TRIM37: variants seen among roughly 807,000 people sequenced by gnomAD.
TRIM37 encodes E3 ubiquitin-protein ligase TRIM37.
A neutral mutation model predicts 129.8 loss-of-function variants in TRIM37; 80 were observed. The ratio of observed to expected loss-of-function variants is 0.62; its 90% CI spans 0.51 to 0.74. The LOEUF is 0.74. Among genes scored for constraint, TRIM37 ranks in the 30% least tolerant of loss-of-function variants. TRIM37 has a pLI of 0.00. For synonymous variants in TRIM37, 389 were observed against 387.1 expected (o/e 1.00, Z -0.06); for missense variants, 1,054 against 1,176.5 (o/e 0.90, Z 1.52).
chr17:59,047,379 T>C (rs1179237186), intron 16 of TRIM37, among the ~76,000 whole-genome samples: 5 of 152,188 alleles, frequency 3.3e-5, no homozygotes, highest in Non-Finnish European at 7.3e-5. Flanking sequence ...ATCTCAAGTG[T>C]TTCAGAAAAA....
chr17:59,018,318 T>G (rs2036191996), intron 19 of TRIM37, among the ~76,000 whole-genome samples: 1 of 152,094 alleles, frequency 6.6e-6, no homozygotes, highest in Admixed American at 6.5e-5. Flanking sequence ...ATAAATCTCT[T>G]TTAAAAATAC....
chr17:59,041,764 A>G (rs1184679671), intron 17 of TRIM37, 49 bp downstream of exon 17: 1 of 1,342,052 alleles, frequency 7.5e-7, no homozygotes, highest in East Asian at 2.3e-5. Context: ...GTCAGAGAAG[A>G]GCAGAGAGAA....
At chr17:58,995,161 AC>A (rs2032862187), downstream of TRIM37, among the ~76,000 whole-genome samples, 1 of 151,376 alleles carries the variant, frequency 6.6e-6, no homozygotes, top group Non-Finnish European at 1.5e-5. Flanking sequence ...TGATCCTCCC[AC>A]CTCAGCCTCC....
chr17:59,085,666 A>G (rs2043687285), intron 4 of TRIM37, among the ~76,000 whole-genome samples: 1 of 152,204 alleles, frequency 6.6e-6, no homozygotes, highest in Non-Finnish European at 1.5e-5. Context: ...AAATAGAATT[A>G]CCACATGATC....
At chr17:58,993,173 G>A (rs761433728) in intron 24 of TRIM37, among the ~76,000 whole-genome samples, 13 of 152,192 alleles carry the variant, frequency 8.5e-5, no homozygotes, top group African/African-American at 1.9e-4. Flanking sequence ...CACATGAGAT[G>A]TGCCTTTTAC....
rs370832040 is a variant in TRIM37 at position 59,004,524 on chromosome 17, G to A, written c.2696-2810C>T. Among the ~76,000 whole-genome samples the A allele has an allele frequency of 6.3e-4, 96 of 152,016 alleles. No homozygotes were observed. In the South Asian group the frequency reaches 9.8e-3, roughly 15 times the overall value. ...AAAATGGTGTTTCTTTGAAAAGATC[G>A]ATAAAGTTAAAAAAGCCTCTAGGTA... On this transcript the variant is annotated intron_variant, in intron 22 of 23. Transcript: ENST00000262294.
chr17:59,052,307 G>C (rs1278826289), intron 13 of TRIM37, among the ~76,000 whole-genome samples: 1 of 151,876 alleles, frequency 6.6e-6, no homozygotes, highest in East Asian at 1.9e-4. Context: ...AAATTGCAGT[G>C]CATGTGTGAA....
chr17:59,041,064 A>C (rs2039098573), intron 17 of TRIM37, among the ~76,000 whole-genome samples: 2 of 152,212 alleles, frequency 1.3e-5, no homozygotes, highest in African/African-American at 4.8e-5. Flanking sequence ...AAAAAAAAAA[A>C]AGAATATGCC....
At chr17:59,027,213 A>C (rs1312234769) in intron 19 of TRIM37, among the ~76,000 whole-genome samples, 2 of 152,236 alleles carry the variant, frequency 1.3e-5, no homozygotes, top group African/African-American at 4.8e-5. Context: ...TGTTTAAAAA[A>C]GAATACCCAA....
At chr17:58,970,097 G>T in the TRIM37 span, among the ~76,000 whole-genome samples, 1 of 152,136 alleles carries the variant, frequency 6.6e-6, no homozygotes, top group Non-Finnish European at 1.5e-5. Flanking sequence ...ATAAAACAAT[G>T]GTCTAAAAAA....
At position 59,088,404 on chromosome 17, in the gene TRIM37, A is replaced by G. The variant is rs1162188699; in HGVS notation, c.168T>C (p.Ala56=). Residue 56 remains alanine (A), a synonymous_variant, in exon 4 of 24, where the codon GCT becomes GCC. Transcript: ENST00000262294. ...TTACTAGTTCTCGTAGCTGGAGTGG[A>G]GCACTGGGGAGAAAATCCATACACA... ...EQRAQCPHCR[A]PLQLRELVNC... is the part of the protein sequence containing the mutation. The G allele has an allele frequency of 6.3e-7, 1 of 1,588,162 alleles. No homozygotes were observed. The highest frequency in any genetic ancestry group is 1.1e-5 in the South Asian group (1 of 90,588).
Position 59,076,491 on chromosome 17 carries a change from T to C in TRIM37, c.617-777A>G, listed in dbSNP as rs1277760944. Among the ~76,000 whole-genome samples the C allele has an allele frequency of 2.6e-5, 4 of 152,352 alleles. No homozygotes were observed. The East Asian group carries it at 7.7e-4, about 29-fold the overall frequency. On this transcript the variant is annotated intron_variant, in intron 7 of 23. Coordinates refer to ENST00000262294, the MANE Select transcript of TRIM37 (RefSeq NM_015294.6). Reference sequence around the variant, plus strand: ...AAGCGGTCAAGGCTGCATGCAGTCATGCAATGAGCCTTGATTGCACCACTG... The same window carrying C: ...AAGCGGTCAAGGCTGCATGCAGTCACGCAATGAGCCTTGATTGCACCACTG...
intron 7 of TRIM37, among the ~76,000 whole-genome samples, chr17:59,079,455 G>C (rs2043081875): frequency 6.6e-6 from 1 of 152,150 alleles, no homozygotes; most frequent in Admixed American, 6.5e-5. Flanking sequence ...TGGAACATTA[G>C]TAGAAGGAAT....
At chr17:59,086,144 A>T (rs2043731447) in intron 4 of TRIM37, among the ~76,000 whole-genome samples, 1 of 152,204 alleles carries the variant, frequency 6.6e-6, no homozygotes, top group African/African-American at 2.4e-5. Flanking sequence ...ACTGTACATT[A>T]AAAAATGATT....
Position 59,057,019 on chromosome 17 carries a change from C to G in TRIM37, c.1055G>C (p.Cys352Ser). 1.2e-6 allele frequency: 2 copies of G among 1,613,662 alleles called. No homozygotes were observed. Among genetic ancestry groups the G allele is most frequent in the Non-Finnish European group, 1.7e-6 (2 of 1,179,858 alleles). Reference sequence around the variant, plus strand: ...AATGATATTTTTTGTAGGATCATTACAGGACTGGTGAACCATCTCTACACG... The same window carrying G: ...AATGATATTTTTTGTAGGATCATTAGAGGACTGGTGAACCATCTCTACACG... ...EYRVEMVHQS[C>S]NDPTKNIIRE... Residue 352 changes from cysteine to serine, a missense_variant, in exon 13 of 24, where the codon TGT (cysteine) becomes TCT (serine). By Grantham distance (112) the Cys-to-Ser change is moderately radical (BLOSUM62 -1). Around this residue, in one of 3 missense-constraint regions of TRIM37, gnomAD observed 752 missense variants for 870.8 expected, o/e 0.86. Transcript: ENST00000262294.
At chr17:59,042,960 A>G (rs766317947) in intron 16 of TRIM37, among the ~76,000 whole-genome samples, 55 of 152,218 alleles carry the variant, frequency 3.6e-4, no homozygotes, top group Non-Finnish European at 4.8e-4. Flanking sequence ...TTACAGCTTC[A>G]GAGAACTGGT....
At chr17:59,102,975 T>A (rs922207146) in intron 2 of TRIM37, among the ~76,000 whole-genome samples, 7 of 151,320 alleles carry the variant, frequency 4.6e-5, no homozygotes, top group African/African-American at 1.5e-4. Flanking sequence ...CGGGTTCAAG[T>A]GATTCTCCTG....
intron 19 of TRIM37, among the ~76,000 whole-genome samples, chr17:59,020,187 C>T (rs909928284): frequency 3.3e-5 from 4 of 122,338 alleles, no homozygotes; most frequent in Admixed American, 2.1e-4. Context: ...GCCAAGATCA[C>T]GCCACTGCAC....
chr17:59,041,663 A>C (rs2039165158), intron 17 of TRIM37, 150 bp downstream of exon 17: 1 of 628,284 alleles, frequency 1.6e-6, no homozygotes. Flanking sequence ...TTAGTAATAA[A>C]CTCTAAAAAA....
Sources: gnomAD v4.1 joint callset for allele counts (sites outside exome capture counted in the v4.1 genomes callset) on GRCh38, gnomAD v4.1.1 for gene constraint, gnomAD v4.1.1 regional missense constraint, MANE v1.5 for transcripts, NCBI Gene and HGNC (gene_info 2026-07-23, HGNC 2026-07-21) for gene names.